Variants in SRM observed in about 807,000 individuals in gnomAD.
SRM encodes the protein spermidine synthase, also known as putrescine aminopropyltransferase.
A neutral mutation model predicts 39.3 loss-of-function variants in SRM; 14 were observed. The observed-to-expected ratio is 0.36, with a 90% CI of 0.24 to 0.56. The LOEUF is 0.56. Among genes scored for constraint, SRM ranks in the 20% least tolerant of loss-of-function variants. SRM has a pLI of 0.86. For missense variants in SRM, 244 were observed against 409.2 expected, an observed-to-expected ratio of 0.60 and a Z score of 3.48; for synonymous variants, 195 against 173.1, an observed-to-expected ratio of 1.13 and a Z score of -0.99.
chr1:11,057,848 G>A (rs1481799250), intron 3 of SRM, among the ~76,000 whole-genome samples: 4 of 151,710 alleles, frequency 2.6e-5, no homozygotes, highest in Non-Finnish European at 5.9e-5. Context: ...GCGAGATCTC[G>A]GTTCATTGCA....
intron 3 of SRM, 168 bp downstream of exon 3, chr1:11,058,632 G>T: frequency 3.8e-6 from 2 of 521,740 alleles, no homozygotes; most frequent in Non-Finnish European, 6.7e-6. Flanking sequence ...CTCACCACCT[G>T]CCAGGCCCTC....
In SRM at chr1:11,058,895, G is replaced by C; in HGVS notation, c.289-3C>G. 6.2e-7 allele frequency: 1 copy of C among 1,603,600 alleles called. No individual in the cohort carries two copies. The highest frequency in any genetic ancestry group is 8.5e-7 in the Non-Finnish European group (1 of 1,176,022). On this transcript the variant is annotated splice_region_variant and splice_polypyrimidine_tract_variant and intron_variant, in intron 2 of 7. Transcript: ENST00000376957. ...TCTCCGCCCCCGATGATCAGCACCT[G>C]GGAGGAGGGGGCAGTCAAGGCAGGG...
chr1:11,055,563 C>T (rs536562106), intron 6 of SRM, among the ~76,000 whole-genome samples: 15 of 152,176 alleles, frequency 9.9e-5, no homozygotes, highest in African/African-American at 2.2e-4. Flanking sequence ...TACAGGCGCG[C>T]GCTGCCATGC....
chr1:11,059,427 C>G (rs1638937250), intron 1 of SRM, 82 bp from the exon 2 acceptor site: 1 of 1,581,248 alleles, frequency 6.3e-7, no homozygotes, highest in Admixed American at 1.7e-5. Context: ...TGAGGAGGGT[C>G]TCCCCATCCC....
intron 3 of SRM, among the ~76,000 whole-genome samples, chr1:11,057,142 C>T (rs1638893019): frequency 6.6e-6 from 1 of 152,144 alleles, no homozygotes; most frequent in Non-Finnish European, 1.5e-5. Flanking sequence ...CAGCTGTGAG[C>T]CACCACACCT....
At position 11,054,830 on chromosome 1, in the gene SRM, G is replaced by T. The variant is rs373195872; in HGVS notation, c.*35C>A. On this transcript the variant is annotated 3_prime_UTR_variant, in exon 8 of 8. Coordinates refer to ENST00000376957, the MANE Select transcript of SRM (RefSeq NM_003132.3). This position sits in a 1 kb window ranked among gnomAD's most constrained non-coding sequence, Gnocchi z 4.8. ...AGGCACCCCGCAGGCTCCAAGGTCC[G>T]AGGTCCTGGGTGGCATCAGTGGTGG... 1.3e-5 allele frequency: 20 copies of T among 1,581,294 alleles called. No homozygotes were observed. Among genetic ancestry groups the T allele is most frequent in the Non-Finnish European group, 1.5e-5 (17 of 1,161,758 alleles).
chr1:11,055,771 C>A lies in SRM; in HGVS notation c.765+10G>T. On this transcript the variant is annotated intron_variant, in intron 6 of 7. Transcript: ENST00000376957. ...CCCCCAACCCCCACCCCCAGACACC[C>A]CCATCTCACCGGGTTCTTGCTGCAC... 6.4e-7 allele frequency: 1 copy of A among 1,553,352 alleles called. No homozygotes were observed. Among genetic ancestry groups the A allele is most frequent in the South Asian group, 1.2e-5 (1 of 84,328 alleles).
In SRM at chr1:11,055,036, C is replaced by T. The variant is rs766435399; in HGVS notation, c.814G>A (p.Ala272Thr). ...PVQPLTQQQVAQMQLKYYNSD... is the reference protein window; with the variant it reads ...PVQPLTQQQVTQMQLKYYNSD... ...TTGTAGTACTTCAGCTGCATCTGCG[C>T]CACCTGCTGCTGTGTCAGCGGCTGC... Residue 272 changes from alanine to threonine, a missense_variant, in exon 7 of 8, where the codon GCG (alanine) becomes ACG (threonine). By Grantham distance (58) the Ala-to-Thr change is moderately conservative (BLOSUM62 0). Transcript: ENST00000376957. 1.2e-6 allele frequency: 2 copies of T among 1,612,534 alleles called. No homozygotes were observed. Among genetic ancestry groups the T allele is most frequent in the East Asian group, 4.5e-5 (2 of 44,874 alleles).
intron 4 of SRM, 141 bp from the exon 5 acceptor site, chr1:11,056,235 G>T: frequency 1.2e-6 from 1 of 826,448 alleles, no homozygotes; most frequent in Non-Finnish European, 1.9e-6. Context: ...CCATTCTTGG[G>T]GGAGTCTCAT....
intron 4 of SRM, 58 bp from the exon 5 acceptor site, chr1:11,056,152 G>C: frequency 6.8e-7 from 1 of 1,474,426 alleles, no homozygotes; most frequent in Non-Finnish European, 9.2e-7. Flanking sequence ...CAGGGCCACT[G>C]TCACCCACAC....
Position 11,059,951 on chromosome 1 carries a change from G to T in SRM, c.-8C>A. ...GTCGGGGCCGGGCTCCATGGCGGGC[G>T]GGCGGGCGGCGCGGGGCGCGGGCCC... On this transcript the variant is annotated 5_prime_UTR_variant, in exon 1 of 8. Coordinates refer to ENST00000376957, the MANE Select transcript of SRM (RefSeq NM_003132.3). 5.7e-6 allele frequency: 6 copies of T among 1,050,828 alleles called. No individual in the cohort carries two copies. The highest frequency in any genetic ancestry group is 6.9e-6 in the Non-Finnish European group (6 of 873,812). The allele number at this position is 1,050,828 out of a possible 1,614,324, so 65.1% of individuals were successfully genotyped here. A position where few individuals can be genotyped will look rare whatever the true frequency, so the allele number is the denominator to read the frequency against.
chr1:11,058,949 C>T (rs1250314977), intron 2 of SRM, 57 bp from the exon 3 acceptor site: 1 of 1,501,142 alleles, frequency 6.7e-7, no homozygotes, highest in African/African-American at 1.4e-5. Flanking sequence ...GCCCCCAGGC[C>T]CCTGAAGCAG....
chr1:11,056,572 C>A, intron 4 of SRM, 32 bp downstream of exon 4: 1 of 1,612,082 alleles, frequency 6.2e-7, no homozygotes, highest in Non-Finnish European at 8.5e-7. Context: ...CCTGCAGCTG[C>A]CAGAAAACCC....
At chr1:11,057,939 C>A (rs377764639) in intron 3 of SRM, among the ~76,000 whole-genome samples, 2 of 152,000 alleles carry the variant, frequency 1.3e-5, no homozygotes, top group Admixed American at 1.3e-4. Context: ...CTACCATGCC[C>A]GGCTAATTTT....
intron 1 of SRM, 80 bp from the exon 2 acceptor site, chr1:11,059,425 G>A (rs368350330): frequency 3.8e-6 from 6 of 1,585,672 alleles, no homozygotes; most frequent in East Asian, 2.3e-5. Flanking sequence ...GGTGAGGAGG[G>A]TCTCCCCATC....
rs1372400304 is a variant in SRM at position 11,058,934 on chromosome 1, T to C, written c.289-42A>G. 6.4e-6 allele frequency: 10 copies of C among 1,553,514 alleles called. 1 individual carries two copies. In the South Asian group the frequency reaches 1.1e-4, roughly 17 times the overall value. On this transcript the variant is annotated intron_variant, in intron 2 of 7. Transcript: ENST00000376957. ...GTCAAGGCAGGGGCCCTGGCAGGAC[T>C]GGGAGCCCCCAGGCCCCTGAAGCAG...
rs1005763650 is a variant in SRM at position 11,059,976 on chromosome 1, C to A, written c.-33G>T. 1.8e-4 allele frequency: 177 copies of A among 971,806 alleles called. No individual in the cohort carries two copies. The highest frequency in any genetic ancestry group is 2.1e-4 in the Non-Finnish European group (175 of 819,622). The allele number at this position is 971,806 out of a possible 1,614,324, so 60.2% of individuals were successfully genotyped here. A position where few individuals can be genotyped will look rare whatever the true frequency, so the allele number is the denominator to read the frequency against. On this transcript the variant is annotated 5_prime_UTR_variant, in exon 1 of 8. Transcript: ENST00000376957. ...GGGCGGGCGGCGCGGGGCGCGGGCC[C>A]GGGACTGCAGGCCGCGCGGCGCCGC... is the stretch of plus-strand genomic sequence containing the variant.
intron 2 of SRM, 105 bp from the exon 3 acceptor site, chr1:11,058,997 T>C: frequency 7.6e-7 from 1 of 1,316,674 alleles, no homozygotes; most frequent in Non-Finnish European, 1.0e-6. Flanking sequence ...CTCATCTTTT[T>C]CTACCCTCGG....
At chr1:11,059,104 G>C (rs1638931023) in intron 2 of SRM, 121 bp downstream of exon 2, 1 of 1,536,422 alleles carries the variant, frequency 6.5e-7, no homozygotes, top group Non-Finnish European at 8.8e-7. Flanking sequence ...ACCCCTCCGC[G>C]GGACGCCCCT....
Sources: allele counts gnomAD v4.1 joint callset (sites outside exome capture counted in the v4.1 genomes callset), GRCh38; gene constraint gnomAD v4.1.1; non-coding constraint Gnocchi (gnomAD v3.1); transcripts MANE v1.5; gene names NCBI Gene and HGNC (gene_info 2026-07-23, HGNC 2026-07-21).